Variants in FAT3 observed in about 807,000 individuals in gnomAD.
FAT3 encodes FAT atypical cadherin 3, also known as protocadherin Fat 3.
A neutral mutation model predicts 310.2 loss-of-function variants in FAT3; 95 were observed. The ratio of observed to expected loss-of-function variants is 0.31; its 90% CI spans 0.26 to 0.36. FAT3 has a LOEUF of 0.36. FAT3 is among the 10% of genes least tolerant of loss of function. The pLI, the probability that FAT3 is intolerant of heterozygous loss-of-function variation, is 1.00. For synonymous variants in FAT3, 2,314 were observed against 2,192.9 expected (o/e 1.06, Z -1.54); for missense variants, 5,408 against 5,715.6 (o/e 0.95, Z 1.74).
At chr11:92,371,317 G>C (rs868778691) in intron 2 of FAT3, among the ~76,000 whole-genome samples, 4 of 152,336 alleles carry the variant, frequency 2.6e-5, no homozygotes, top group Middle Eastern at 3.4e-3. Context: ...TTCACAGCTT[G>C]TGGTGGAGCT....
At chr11:92,805,569 CA>C (rs34229613) in intron 11 of FAT3, among the ~76,000 whole-genome samples, 65,131 of 131,020 alleles carry the variant, frequency 0.5, 15,929 homozygotes, top group East Asian at 0.81. Flanking sequence ...CTGCCCCCAA[CA>C]AAAAAAAAAA....
chr11:92,520,329 G>T (rs940969309), intron 2 of FAT3, among the ~76,000 whole-genome samples: 2 of 152,086 alleles, frequency 1.3e-5, no homozygotes, highest in African/African-American at 4.8e-5. Flanking sequence ...GTTACCTGGG[G>T]GTAGAAAGAG....
intron 3 of FAT3, among the ~76,000 whole-genome samples, chr11:92,618,695 C>T (rs1433507717): frequency 6.6e-6 from 1 of 152,156 alleles, no homozygotes; most frequent in Non-Finnish European, 1.5e-5. Context: ...ACTTTGAGCT[C>T]ATACCCTGCA....
intron 2 of FAT3, among the ~76,000 whole-genome samples, chr11:92,382,465 T>G (rs1949517797): frequency 6.6e-6 from 1 of 152,158 alleles, no homozygotes. Context: ...GGAAGGCACC[T>G]CTAACAAAAC....
intron 3 of FAT3, among the ~76,000 whole-genome samples, chr11:92,646,983 T>G (rs2135744770): frequency 6.6e-6 from 1 of 152,272 alleles, no homozygotes; most frequent in Non-Finnish European, 1.5e-5. Flanking sequence ...CATAGCTTTT[T>G]TAGACCTGTT....
chr11:92,764,165 C>T (rs888709298), intron 5 of FAT3, among the ~76,000 whole-genome samples: 2 of 152,076 alleles, frequency 1.3e-5, no homozygotes, highest in South Asian at 2.1e-4. Context: ...GCCCTTATAT[C>T]AGCTAATTGT....
chr11:92,587,859 T>G (rs1591489372), intron 3 of FAT3, among the ~76,000 whole-genome samples: 1 of 152,118 alleles, frequency 6.6e-6, no homozygotes, highest in East Asian at 1.9e-4. Flanking sequence ...AAATTTCACT[T>G]TTTCCCCATG....
intron 2 of FAT3, among the ~76,000 whole-genome samples, chr11:92,360,633 T>C (rs1488414049): frequency 6.6e-6 from 1 of 152,218 alleles, no homozygotes; most frequent in African/African-American, 2.4e-5. Flanking sequence ...TCTATTTATC[T>C]GGTTAATTAA....
chr11:92,436,516 C>A (rs1014154215), intron 2 of FAT3, among the ~76,000 whole-genome samples: 2 of 152,160 alleles, frequency 1.3e-5, no homozygotes, highest in African/African-American at 4.8e-5. Flanking sequence ...GGTTTCTACC[C>A]TGTAGACTTC....
intron 14 of FAT3, among the ~76,000 whole-genome samples, chr11:92,832,454 C>T (rs1241603882): frequency 1.3e-5 from 2 of 152,082 alleles, no homozygotes; most frequent in East Asian, 1.9e-4. Context: ...ACAGAGGAAA[C>T]AAATCTGTTA....
At chr11:92,399,319 T>C (rs1949957621) in intron 2 of FAT3, among the ~76,000 whole-genome samples, 1 of 152,046 alleles carries the variant, frequency 6.6e-6, no homozygotes, top group Admixed American at 6.6e-5. Context: ...GGAGTGAAAA[T>C]TTCAAAACAC....
chr11:92,639,859 A>G (rs149684735), intron 3 of FAT3, among the ~76,000 whole-genome samples: 132 of 152,248 alleles, frequency 8.7e-4, no homozygotes, highest in African/African-American at 3.0e-3. Flanking sequence ...GTGGAAATAT[A>G]ATTTATATAA....
At chr11:92,609,603 C>T (rs1940468594) in intron 3 of FAT3, among the ~76,000 whole-genome samples, 1 of 152,050 alleles carries the variant, frequency 6.6e-6, no homozygotes, top group Non-Finnish European at 1.5e-5. Flanking sequence ...ATTTTGGTAT[C>T]AAAGCAAGTT....
At chr11:92,412,934 T>C (rs1369409662) in intron 2 of FAT3, among the ~76,000 whole-genome samples, 2 of 151,398 alleles carry the variant, frequency 1.3e-5, no homozygotes, top group Non-Finnish European at 2.9e-5. Context: ...CAAACCTACA[T>C]TGACACATCA....
At chr11:92,702,863 CA>C (rs765822593) in intron 4 of FAT3, among the ~76,000 whole-genome samples, 3 of 149,518 alleles carry the variant, frequency 2.0e-5, no homozygotes, top group South Asian at 2.1e-4. Flanking sequence ...ATTTGCAAAT[CA>C]AAAAAAAATT....
At chr11:92,578,463 A>T (rs1292551925) in intron 3 of FAT3, among the ~76,000 whole-genome samples, 7 of 152,130 alleles carry the variant, frequency 4.6e-5, no homozygotes, top group Non-Finnish European at 1.5e-5. Flanking sequence ...AACATAAGTA[A>T]TCTACTGGAA....
chr11:92,739,472 T>G (rs1007233298), intron 4 of FAT3, among the ~76,000 whole-genome samples: 3 of 152,192 alleles, frequency 2.0e-5, no homozygotes, highest in African/African-American at 7.2e-5. Context: ...ATTTTTAATG[T>G]AGCAAAATTC....
intron 3 of FAT3, among the ~76,000 whole-genome samples, chr11:92,608,466 C>T (rs1434948176): frequency 2.0e-5 from 3 of 151,970 alleles, no homozygotes; most frequent in Non-Finnish European, 1.5e-5. Context: ...ATGGAAAAAC[C>T]TGCTTGGGTG....
At chr11:92,337,130 G>A (rs1340753226) in intron 1 of FAT3, among the ~76,000 whole-genome samples, 3 of 152,154 alleles carry the variant, frequency 2.0e-5, no homozygotes, top group Non-Finnish European at 4.4e-5. Flanking sequence ...TAGCAATGAT[G>A]TGTAAGATCT....
Sources: gnomAD v4.1 joint callset for allele counts (sites outside exome capture counted in the v4.1 genomes callset) on GRCh38, gnomAD v4.1.1 for gene constraint, MANE v1.5 for transcripts, NCBI Gene and HGNC (gene_info 2026-07-23, HGNC 2026-07-21) for gene names.